NDRG3: variants seen among roughly 807,000 people sequenced by gnomAD.
NDRG3 encodes NDRG family member 3.
NDRG3 carries 23 observed loss-of-function variants against 57.2 expected under a neutral mutation model. The ratio of observed to expected loss-of-function variants is 0.40; its 90% confidence interval spans 0.29 to 0.57. NDRG3 has a LOEUF of 0.57. NDRG3 is among the 20% of genes least tolerant of loss of function. The probability of loss-of-function intolerance (pLI) is 0.42; values close to 1 mark genes in which losing one functional copy is unlikely to be tolerated. For synonymous variants in NDRG3, 132 were observed against 162.6 expected (o/e 0.81, Z 1.43); for missense variants, 384 against 457.3 (o/e 0.84, Z 1.46).
At chr20:36,715,846 G>A (rs762417528) in intron 2 of NDRG3, among the ~76,000 whole-genome samples, 31 of 151,854 alleles carry the variant, frequency 2.0e-4, no homozygotes, top group Non-Finnish European at 3.8e-4. Flanking sequence ...AAAGATCCTG[G>A]GGCCAGGCAC....
chr20:36,654,072 G>GAAAGACACACT (rs1978440626), intron 15 of NDRG3, among the ~76,000 whole-genome samples: 1 of 152,150 alleles, frequency 6.6e-6, no homozygotes, highest in African/African-American at 2.4e-5. Flanking sequence ...CAAAAGAAAA[G>GAAAGACACACT]AAAGACACAC....
At chr20:36,738,815 A>G (rs1299928744) in intron 1 of NDRG3, among the ~76,000 whole-genome samples, 1 of 118,706 alleles carries the variant, frequency 8.4e-6, no homozygotes, top group Non-Finnish European at 1.7e-5. Context: ...AGAGTAAAAA[A>G]CTGTCTCAAA....
At chr20:36,719,589 G>A (rs1273998676) in intron 2 of NDRG3, among the ~76,000 whole-genome samples, 1 of 152,082 alleles carries the variant, frequency 6.6e-6, no homozygotes, top group Non-Finnish European at 1.5e-5. Flanking sequence ...AGCAGCTCCA[G>A]AGGCTGCAGG....
intron 3 of NDRG3, among the ~76,000 whole-genome samples, chr20:36,705,513 T>C (rs1163076401): frequency 6.6e-6 from 1 of 152,140 alleles, no homozygotes; most frequent in Admixed American, 6.6e-5. Flanking sequence ...GTACTTAACA[T>C]AAAACGCATA....
Position 36,665,275 on chromosome 20 carries a change from G to T in NDRG3, c.719C>A (p.Pro240His), listed in dbSNP as rs374392639. ...TTTGTTATCATTTTGGCCCAGTATG[G>T]GTCTTTCGATCTCCAGGTCTCTGCG... The part of the protein sequence containing the change: ...NGRRDLEIER[P>H]ILGQNDNKSK... The change falls in exon 11 of 16, where the codon CCC becomes CAC. Residue 240 changes from proline to histidine, a missense_variant. By Grantham distance (77) the Pro-to-His change is moderately conservative. Coordinates refer to ENST00000349004, the MANE Select transcript of NDRG3 (RefSeq NM_032013.4). 1.2e-6 allele frequency: 2 copies of T among 1,613,964 alleles called. No homozygotes were observed. The highest frequency in any genetic ancestry group is 1.3e-5 in the African/African-American group (1 of 74,898).
chr20:36,679,447 C>G (rs925096123), intron 8 of NDRG3, among the ~76,000 whole-genome samples: 2 of 152,114 alleles, frequency 1.3e-5, no homozygotes, highest in East Asian at 3.9e-4. Context: ...ACAACTCGTT[C>G]TGTGTATTCA....
rs750404845 is a variant in NDRG3 at position 36,688,804 on chromosome 20, G to A, written c.94-20C>T. ...ATGTTCCTGTAACAAGAGAATGTAA[G>A]TTCTCAGAAAAAGCAGAATGAACTT... On this transcript the variant is annotated intron_variant, in intron 3 of 15. Transcript: ENST00000349004. The A allele has an allele frequency of 2.6e-5, 41 of 1,585,072 alleles. No individual in the cohort carries two copies. The South Asian group carries it at 4.2e-4, about 16-fold the overall frequency.
At chr20:36,668,355 T>C (rs1979818497) in intron 9 of NDRG3, among the ~76,000 whole-genome samples, 2 of 152,206 alleles carry the variant, frequency 1.3e-5, no homozygotes, top group Non-Finnish European at 2.9e-5. Flanking sequence ...TCATTCCTTA[T>C]CCGGATATAT....
intron 3 of NDRG3, among the ~76,000 whole-genome samples, chr20:36,699,025 T>C (rs976793380): frequency 6.6e-6 from 1 of 152,154 alleles, no homozygotes; most frequent in African/African-American, 2.4e-5. Context: ...CACTGCAGCA[T>C]AGAACTCCTG....
intron 8 of NDRG3, among the ~76,000 whole-genome samples, chr20:36,678,811 CAAAT>C (rs963692408): frequency 4.6e-5 from 7 of 152,226 alleles, no homozygotes; most frequent in East Asian, 1.9e-4. Flanking sequence ...ACTAATATCA[CAAAT>C]AAAACTGCTT....
rs1245489493 is a variant in NDRG3, at chr20:36,687,448, T to G, written c.320+44A>C. 1.9e-6 allele frequency: 3 copies of G among 1,600,824 alleles called. No individual in the cohort carries two copies. The East Asian group carries it at 6.7e-5, about 36-fold the overall frequency. On this transcript the variant is annotated intron_variant, in intron 5 of 15. Transcript: ENST00000349004. ...CTCCCACTGGAGCTCAGCCAGTTGC[T>G]CTACTGAGTGCACGTCTCCCAGATG...
At position 36,654,695 on chromosome 20, in the gene NDRG3, T is replaced by C. The variant is rs992552077; in HGVS notation, c.947-994A>G. 4 of 746,428 alleles carry C rather than the reference T, an allele frequency of 5.4e-6. No individual in the cohort carries two copies. The African/African-American group carries it at 6.8e-5, about 13-fold the overall frequency. The allele number at this position is 746,428 out of a possible 1,614,324, so 46.2% of individuals were successfully genotyped here. On this transcript the variant is annotated intron_variant, in intron 15 of 15. Coordinates refer to ENST00000349004, the MANE Select transcript of NDRG3 (RefSeq NM_032013.4). ...ATCTCTTGGGGCGTACTGAGCCACG[T>C]TCTATCGGGCTCTCACTGCATAGGA... is the stretch of plus-strand genomic sequence containing the variant.
chr20:36,698,993 G>A (rs1773568212), intron 3 of NDRG3, among the ~76,000 whole-genome samples: 1 of 152,176 alleles, frequency 6.6e-6, no homozygotes, highest in Non-Finnish European at 1.5e-5. Flanking sequence ...CCAGGCTAGA[G>A]TGCAGTGATG....
intron 9 of NDRG3, among the ~76,000 whole-genome samples, chr20:36,670,261 C>T (rs1362499256): frequency 6.6e-6 from 1 of 152,034 alleles, no homozygotes; most frequent in East Asian, 1.9e-4. Context: ...GTGTGCATTA[C>T]ACTGTAAGTA....
At chr20:36,715,004 G>GTACATA (rs1163522116) in intron 2 of NDRG3, among the ~76,000 whole-genome samples, 1 of 32,486 alleles carries the variant, frequency 3.1e-5, no homozygotes, top group African/African-American at 9.8e-5. Flanking sequence ...GTGTGTGTGT[G>GTACATA]TGTATATATA....
At chr20:36,745,054 T>C (rs1043222030) in intron 1 of NDRG3, among the ~76,000 whole-genome samples, 1 of 151,352 alleles carries the variant, frequency 6.6e-6, no homozygotes, top group Non-Finnish European at 1.5e-5. Context: ...AAAGGAAAGC[T>C]TCCCTGCTTC....
intron 14 of NDRG3, 38 bp from the exon 15 acceptor site, chr20:36,656,449 A>C: frequency 6.2e-7 from 1 of 1,614,174 alleles, no homozygotes; most frequent in African/African-American, 1.3e-5. Context: ...ATTTTTGCAT[A>C]GACAGAGAAG....
intron 3 of NDRG3, among the ~76,000 whole-genome samples, chr20:36,691,550 C>G (rs1249770478): frequency 5.9e-5 from 9 of 152,002 alleles, no homozygotes; most frequent in Admixed American, 5.9e-4. Flanking sequence ...TCTGTCTCTA[C>G]AAAAATATAA....
chr20:36,723,659 AGTGTGTGTGTGTGT>A (rs36022065), intron 1 of NDRG3, among the ~76,000 whole-genome samples: 11 of 132,940 alleles, frequency 8.3e-5, no homozygotes, highest in East Asian at 4.5e-4. Context: ...ATATTAGTCT[AGTGTGTGTGTGTGT>A]GTGTGTGTGT....
Sources: gnomAD v4.1 joint callset for allele counts (sites outside exome capture counted in the v4.1 genomes callset) on GRCh38, gnomAD v4.1.1 for gene constraint, MANE v1.5 for transcripts, NCBI Gene and HGNC (gene_info 2026-07-23, HGNC 2026-07-21) for gene names.